CACTIN: variants seen among roughly 807,000 people sequenced by gnomAD.
CACTIN encodes cactin, spliceosome C complex subunit.
Under a neutral mutation model 84.9 loss-of-function variants are expected in CACTIN, and 20 were observed. That is an observed-to-expected ratio of 0.24 (90% CI 0.17 to 0.34). CACTIN has a LOEUF of 0.34. Ranked by LOEUF, CACTIN falls within the 10% of genes least tolerant of loss-of-function variation. The probability of loss-of-function intolerance (pLI) is 1.00; values close to 1 mark genes in which losing one functional copy is unlikely to be tolerated. For missense variants in CACTIN, 897 were observed against 1,117.2 expected, an observed-to-expected ratio of 0.80 and a Z score of 2.81; for synonymous variants, 549 against 467.9, an observed-to-expected ratio of 1.17 and a Z score of -2.24.
chr19:3,618,089 C>T (rs929538923), intron 6 of CACTIN, among the ~76,000 whole-genome samples: 4 of 151,428 alleles, frequency 2.6e-5, no homozygotes, highest in African/African-American at 7.3e-5. Flanking sequence ...GGATGCGTGG[C>T]CCATGAGAGC....
intron 6 of CACTIN, among the ~76,000 whole-genome samples, chr19:3,617,019 G>A (rs1171821143): frequency 1.3e-5 from 2 of 152,196 alleles, no homozygotes; most frequent in Admixed American, 1.3e-4. Context: ...TACTTGGGCA[G>A]CTGAGGCAGG....
Position 3,613,549 on chromosome 19 carries a change from G to T in CACTIN, c.1393C>A (p.Leu465Met). The change falls in exon 8 of 10, where the codon CTG becomes ATG. Residue 465 changes from leucine (L) to methionine (M), a missense_variant. Around this residue, in one of 8 missense-constraint regions of CACTIN, gnomAD observed 304 missense variants for 444.3 expected, o/e 0.68. Coordinates refer to ENST00000429344, the MANE Select transcript of CACTIN (RefSeq NM_001080543.2). ...CCCTGCTCCTGCTTCAGTTTGTACA[G>T]CTTCTGCCGCAGCACGTCCTGGTGG... ...ERHQDVLRQK[L>M]YKLKQEQGVE... 1 of 1,601,882 alleles carries T rather than the reference G, an allele frequency of 6.2e-7. No individual in the cohort carries two copies.
chr19:3,625,728 AAAAC>A (rs1287178483), intron 1 of CACTIN, among the ~76,000 whole-genome samples: 13 of 152,226 alleles, frequency 8.5e-5, no homozygotes, highest in Non-Finnish European at 1.2e-4. Context: ...CTCCGTCTCA[AAAAC>A]AAACAAACAA....
chr19:3,614,602 G>C lies in CACTIN; in HGVS notation c.1163-13C>G. ...TCGCGGCGCTCACCTGCAGCGGGGT[G>C]GGGGCATGGGGGGGCGGTTCCACAT... On this transcript the variant is annotated splice_polypyrimidine_tract_variant and intron_variant, in intron 6 of 9. Transcript: ENST00000429344. 1 of 1,579,012 alleles carries C rather than the reference G, an allele frequency of 6.3e-7. No homozygotes were observed. The highest frequency in any genetic ancestry group is 8.6e-7 in the Non-Finnish European group (1 of 1,163,000).
chr19:3,620,307 G>C (rs775906366), intron 3 of CACTIN, 35 bp from the exon 4 acceptor site: 3 of 1,541,660 alleles, frequency 1.9e-6, no homozygotes, highest in Non-Finnish European at 2.6e-6. Context: ...AGCGGGGACC[G>C]TGCGGTCTGC....
At chr19:3,620,526 C>T (rs2033201443) in intron 3 of CACTIN, 181 bp downstream of exon 3, 3 of 661,898 alleles carry the variant, frequency 4.5e-6, no homozygotes, top group South Asian at 1.8e-5. Flanking sequence ...CCGAGGCCAG[C>T]AGAGCCGAGA....
chr19:3,626,018 A>G lies in CACTIN; in HGVS notation c.167+578T>C, dbSNP rs181737422. 2.0e-5 allele frequency among the ~76,000 whole-genome samples: 3 copies of G among 151,884 alleles called. No homozygotes were observed. In the East Asian group the frequency reaches 5.8e-4, roughly 29 times the overall value. ...CGAGTCTTTTTCCCTCCCACAGCCC[A>G]CCTCCATTAGCAAATGTTGTCTCCT... On this transcript the variant is annotated intron_variant, in intron 1 of 9. Transcript: ENST00000429344.
intron 6 of CACTIN, among the ~76,000 whole-genome samples, chr19:3,618,184 G>T (rs929861126): frequency 4.8e-5 from 7 of 147,278 alleles, no homozygotes; most frequent in South Asian, 4.5e-4. Flanking sequence ...GACCGGGGGG[G>T]GGGGGGGTCT....
At chr19:3,612,861 C>G in intron 9 of CACTIN, 197 bp downstream of exon 9, 1 of 769,300 alleles carries the variant, frequency 1.3e-6, no homozygotes, top group South Asian at 1.5e-5. Flanking sequence ...GGCCAGTGGG[C>G]CAGCAAGCCC....
rs1326484122 is a variant in CACTIN at position 3,610,659 on chromosome 19, A to G, written c.*1264T>C. ...CAAACCTAAGATTATTCTAAAATAC[A>G]ACGTTTATTAAAAAAACATGCGATC... On this transcript the variant is annotated 3_prime_UTR_variant, in exon 10 of 10. Transcript: ENST00000429344. 1.1e-5 allele frequency: 5 copies of G among 452,956 alleles called. No homozygotes were observed. The highest frequency in any genetic ancestry group is 3.1e-5 in the South Asian group (2 of 63,814). 28.1% of individuals were successfully genotyped at this position (452,956 alleles called of 1,614,324 possible). A position where few individuals can be genotyped will look rare whatever the true frequency, so the allele number is the denominator to read the frequency against.
At chr19:3,612,903 G>T (rs893809471) in intron 9 of CACTIN, 155 bp downstream of exon 9, 11 of 903,010 alleles carry the variant, frequency 1.2e-5, no homozygotes, top group Non-Finnish European at 1.4e-5. Flanking sequence ...CAGTGCGCGT[G>T]CAGGTGACGG....
In CACTIN at chr19:3,623,891, G is replaced by A. The variant is rs866352473; in HGVS notation, c.439C>T (p.Arg147Trp). The A allele has an allele frequency of 6.9e-6, 11 of 1,605,710 alleles. No homozygotes were observed. Among genetic ancestry groups the A allele is most frequent in the African/African-American group, 6.7e-5 (5 of 74,914 alleles). ...QQSLQERLRL[R>W]EERKQQEELM... ...TCCTCCTGCTGCTTCCGCTCCTCCC[G>A]CAGCCGCAGCCGCTCCTGCAGGCTC... The change falls in exon 2 of 10, where the codon CGG becomes TGG. Residue 147 changes from arginine to tryptophan, a missense_variant. Around this residue, in one of 8 missense-constraint regions of CACTIN, gnomAD observed 261 missense variants for 243.8 expected, o/e 1.07. Transcript: ENST00000429344.
Position 3,613,444 on chromosome 19 carries a change from G to C in CACTIN, c.1478+20C>G, listed in dbSNP as rs543539872. On this transcript the variant is annotated intron_variant, in intron 8 of 9. Transcript: ENST00000429344. The stretch of plus-strand genomic sequence containing the variant: ...GCTCCGCGTCTGCATCGGCGTCCCC[G>C]GGGTGCCGGCCGGGCCTACCTGCGG... 16 of 1,562,792 alleles carry C rather than the reference G, an allele frequency of 1.0e-5. No individual in the cohort carries two copies. The Admixed American group carries it at 2.4e-4, about 24-fold the overall frequency.
chr19:3,626,561 C>A, intron 1 of CACTIN, 35 bp downstream of exon 1: 1 of 1,376,026 alleles, frequency 7.3e-7, no homozygotes, highest in Non-Finnish European at 9.4e-7. Flanking sequence ...GAGGTAGGAG[C>A]CGGATCCCCA....
In CACTIN at chr19:3,619,131, G is replaced by T. The variant is rs1400887024; in HGVS notation, c.996C>A (p.Phe332Leu). The change falls in exon 5 of 10, where the codon TTC (phenylalanine) becomes TTA (leucine). Residue 332 changes from phenylalanine to leucine, a missense_variant. By Grantham distance (22) the Phe-to-Leu change is conservative (BLOSUM62 0). Around this residue, in one of 8 missense-constraint regions of CACTIN, gnomAD observed 304 missense variants for 444.3 expected, o/e 0.68. Coordinates refer to ENST00000429344, the MANE Select transcript of CACTIN (RefSeq NM_001080543.2). The stretch of plus-strand genomic sequence containing the variant: ...TGTCGGCCACGGTGAGGCCGTTGAG[G>T]AACGTGTAGGGCTCATGCATCTCCA... The part of the protein sequence containing the change: ...LAVEMHEPYT[F>L]LNGLTVADME... 18 of 1,599,766 alleles carry T rather than the reference G, an allele frequency of 1.1e-5. No individual in the cohort carries two copies. Among genetic ancestry groups the T allele is most frequent in the Non-Finnish European group, 1.5e-5 (18 of 1,173,868 alleles).
chr19:3,612,013 T>C lies in CACTIN; in HGVS notation c.2187A>G (p.Glu729=). ...AGCGGAAGCCGTGGCGGTGCGAGTA[T>C]TCCCACTCGCGGTTGACGATCTTGA... The part of the protein sequence containing the change: ...IAFKIVNREW[E]YSHRHGFRCQ... The change falls in exon 10 of 10, where the codon GAA becomes GAG. Residue 729 remains glutamate, a synonymous_variant. Coordinates refer to ENST00000429344, the MANE Select transcript of CACTIN (RefSeq NM_001080543.2). 6.2e-7 allele frequency: 1 copy of C among 1,613,632 alleles called. No individual in the cohort carries two copies. Among genetic ancestry groups the C allele is most frequent in the Non-Finnish European group, 8.5e-7 (1 of 1,179,886 alleles).
chr19:3,619,849 T>C (rs2033185743), intron 4 of CACTIN, among the ~76,000 whole-genome samples: 1 of 151,990 alleles, frequency 6.6e-6, no homozygotes, highest in Admixed American at 6.5e-5. Flanking sequence ...GCCACCCTCC[T>C]GGGTGGAGTG....
At chr19:3,621,878 AGAC>A (rs1472785167) in intron 2 of CACTIN, among the ~76,000 whole-genome samples, 1 of 152,162 alleles carries the variant, frequency 6.6e-6, no homozygotes, top group Admixed American at 6.5e-5. Context: ...TTGTGTTCTC[AGAC>A]GACATCGGGC....
rs545439498 is a variant in CACTIN at position 3,611,447 on chromosome 19, G to T, written c.*476C>A. The T allele has an allele frequency of 2.5e-6, 1 of 404,642 alleles. No homozygotes were observed. The highest frequency in any genetic ancestry group is 4.8e-6 in the Non-Finnish European group (1 of 209,782). 25.1% of individuals were successfully genotyped at this position (404,642 alleles called of 1,614,324 possible). On this transcript the variant is annotated 3_prime_UTR_variant, in exon 10 of 10. Transcript: ENST00000429344. ...CTGCCTCACGCCCAGTGGGTGCCCC[G>T]TGATGTGGCAGGGCTGGCCTTGAGT...
Sources: gnomAD v4.1 joint callset for allele counts (sites outside exome capture counted in the v4.1 genomes callset) on GRCh38, gnomAD v4.1.1 for gene constraint, gnomAD v4.1.1 regional missense constraint, MANE v1.5 for transcripts, NCBI Gene and HGNC (gene_info 2026-07-23, HGNC 2026-07-21) for gene names.